Variants in TIAM1 observed in about 807,000 individuals in gnomAD.
TIAM1 encodes the protein TIAM Rac1 associated GEF 1.
A neutral mutation model predicts 163.5 loss-of-function variants in TIAM1; 65 were observed. That is an observed-to-expected ratio of 0.40 (90% CI 0.33 to 0.49). TIAM1 has a LOEUF of 0.49. Among genes scored for constraint, TIAM1 ranks in the 20% least tolerant of loss-of-function variants. TIAM1 has a pLI of 0.77. For synonymous variants in TIAM1, 833 were observed against 810.1 expected (o/e 1.03, Z -0.48); for missense variants, 1,789 against 2,044.7 (o/e 0.87, Z 2.41).
intron 1 of TIAM1, among the ~76,000 whole-genome samples, chr21:31,498,538 G>C (rs2046741467): frequency 6.6e-6 from 1 of 152,244 alleles, no homozygotes; most frequent in Admixed American, 6.5e-5. Flanking sequence ...GGAAGGATTT[G>C]ATTGGGCACA....
intron 26 of TIAM1, among the ~76,000 whole-genome samples, 155 bp from the exon 27 acceptor site, chr21:31,124,849 G>A (rs951702373): frequency 2.6e-5 from 4 of 152,140 alleles, no homozygotes; most frequent in Admixed American, 6.5e-5. Context: ...GTGATTTCAC[G>A]CCAGTGATAA....
chr21:31,212,757 T>C (rs2086950651), intron 10 of TIAM1: 1 of 150,576 alleles, frequency 6.6e-6, no homozygotes, highest in African/African-American at 2.5e-5. Flanking sequence ...GGACTACAGG[T>C]GTCCAGCTAA....
At chr21:31,372,108 C>T (rs1350043065) in intron 2 of TIAM1, among the ~76,000 whole-genome samples, 1 of 152,212 alleles carries the variant, frequency 6.6e-6, no homozygotes, top group African/African-American at 2.4e-5. Flanking sequence ...GCGGAAGGCT[C>T]ATTTTCCTCT....
intron 16 of TIAM1, among the ~76,000 whole-genome samples, chr21:31,159,053 G>C (rs1470130868): frequency 6.6e-6 from 1 of 152,122 alleles, no homozygotes; most frequent in African/African-American, 2.4e-5. Flanking sequence ...CTCCAGCAAG[G>C]GGAAGGCAGA....
Position 31,230,783 on chromosome 21 carries a change from C to G in TIAM1, c.1585-4833G>C, listed in dbSNP as rs554785093. On this transcript the variant is annotated intron_variant, in intron 6 of 27. Coordinates refer to ENST00000541036, the MANE Select transcript of TIAM1 (RefSeq NM_001353694.2). ...TCCTGACCTCAAGTGATCCGCCAGCCTCAGCCTCCCAAAGTGCTGGGATTA... is the reference window on the plus strand; with the variant it reads ...TCCTGACCTCAAGTGATCCGCCAGCGTCAGCCTCCCAAAGTGCTGGGATTA... Among the ~76,000 whole-genome samples the G allele has an allele frequency of 7.2e-5, 11 of 152,336 alleles. No individual in the cohort carries two copies. In the East Asian group the frequency reaches 1.9e-3, roughly 27 times the overall value.
chr21:31,397,399 C>T lies in TIAM1; in HGVS notation c.-368-57977G>A, dbSNP rs530347860. On this transcript the variant is annotated intron_variant, in intron 2 of 28. Transcript: ENST00000286827. ...GGTCCATGTTTCAAACCGCTTCCTT[C>T]CTCTTTTCCTTTCTCTCCTCTTTTC... Among the ~76,000 whole-genome samples, 13 of 152,286 alleles carry T rather than the reference C, an allele frequency of 8.5e-5. No homozygotes were observed. In the South Asian group the frequency reaches 1.9e-3, roughly 22 times the overall value.
intron 2 of TIAM1, among the ~76,000 whole-genome samples, chr21:31,302,869 A>G (rs1375366316): frequency 6.6e-6 from 1 of 152,228 alleles, no homozygotes; most frequent in Non-Finnish European, 1.5e-5. Flanking sequence ...AAGATTTTAA[A>G]ATCTCCTGAA....
chr21:31,355,623 C>G (rs2076304824), intron 2 of TIAM1, among the ~76,000 whole-genome samples: 1 of 151,866 alleles, frequency 6.6e-6, no homozygotes, highest in African/African-American at 2.4e-5. Flanking sequence ...GTGATCTCGG[C>G]TCACTGCAAC....
intron 4 of TIAM1, among the ~76,000 whole-genome samples, chr21:31,262,001 CCACAGAA>C (rs933918154): frequency 2.0e-5 from 3 of 152,168 alleles, no homozygotes; most frequent in African/African-American, 7.2e-5. Context: ...CCAAAGCTTC[CCACAGAA>C]CACAGAACCT....
chr21:31,180,040 G>C (rs2084941959), intron 15 of TIAM1, among the ~76,000 whole-genome samples: 1 of 151,488 alleles, frequency 6.6e-6, no homozygotes, highest in African/African-American at 2.4e-5. Context: ...CGAGTAGCTG[G>C]GATTACAGGC....
At chr21:31,421,305 G>C (rs2043562095) in intron 2 of TIAM1, among the ~76,000 whole-genome samples, 1 of 152,160 alleles carries the variant, frequency 6.6e-6, no homozygotes, top group African/African-American at 2.4e-5. Flanking sequence ...GCTAAAGATT[G>C]CTAGGAGCCA....
rs548783540 is a variant in TIAM1, at chr21:31,120,390, C to G, written c.4754G>C (p.Arg1585Thr). The change falls in exon 28 of 28, where the codon AGG becomes ACG. Residue 1585 changes from arginine (R) to threonine (T), a missense_variant. Physicochemically the swap from Arg to Thr is moderately conservative, Grantham distance 71. Coordinates refer to ENST00000541036, the MANE Select transcript of TIAM1 (RefSeq NM_001353694.2). This position sits in a 1 kb window ranked among gnomAD's most constrained non-coding sequence, Gnocchi z 4.2. ...CAGTCAGATCTCAGTGTTCAGTTTC[C>G]TGGAGGGGGCAAAGTCTTCACGCCT... ...WVRREDFAPS[R>T]KLNTEI 1.1e-5 allele frequency: 18 copies of G among 1,610,874 alleles called. No homozygotes were observed. The highest frequency in any genetic ancestry group is 1.5e-5 in the Non-Finnish European group (18 of 1,178,176).
chr21:31,251,826 T>C lies in TIAM1; in HGVS notation c.1327A>G (p.Lys443Glu). Residue 443 changes from lysine (K) to glutamate (E), a missense_variant, in exon 5 of 28, where the codon AAG (lysine) becomes GAG (glutamate). Around this residue, in one of 5 missense-constraint regions of TIAM1, gnomAD observed 456 missense variants for 586.6 expected, o/e 0.78. Coordinates refer to ENST00000541036, the MANE Select transcript of TIAM1 (RefSeq NM_001353694.2). ...TVRKAGALAV[K>E]NFLVHKKNKK... ...TTCTTCTTGTGCACCAGGAAGTTCTTGACGGCCAGGGCGCCGGCCTTGCGC... is the reference window on the plus strand; with the variant it reads ...TTCTTCTTGTGCACCAGGAAGTTCTCGACGGCCAGGGCGCCGGCCTTGCGC... 1 of 1,613,530 alleles carries C rather than the reference T, an allele frequency of 6.2e-7. No individual in the cohort carries two copies. Among genetic ancestry groups the C allele is most frequent in the Non-Finnish European group, 8.5e-7 (1 of 1,179,634 alleles).
intron 1 of TIAM1, among the ~76,000 whole-genome samples, chr21:31,480,899 A>G (rs2046089253): frequency 6.6e-6 from 1 of 152,152 alleles, no homozygotes; most frequent in Non-Finnish European, 1.5e-5. Flanking sequence ...GATTACAGAC[A>G]TGAGCCCCCA....
intron 1 of TIAM1, among the ~76,000 whole-genome samples, chr21:31,465,671 C>T (rs1233767664): frequency 6.6e-6 from 1 of 151,874 alleles, no homozygotes; most frequent in Non-Finnish European, 1.5e-5. Flanking sequence ...CCCGGGTTCA[C>T]GCCATTCTCC....
At chr21:31,228,145 T>A (rs192010884) in intron 6 of TIAM1, among the ~76,000 whole-genome samples, 1,523 of 124,912 alleles carry the variant, frequency 0.012, 36 homozygotes, top group African/African-American at 0.044. Flanking sequence ...TCTCTTGACC[T>A]CATGATCCGC....
At chr21:31,538,825 GA>G (rs2048224045) in intron 1 of TIAM1, among the ~76,000 whole-genome samples, 1 of 152,184 alleles carries the variant, frequency 6.6e-6, no homozygotes, top group Non-Finnish European at 1.5e-5. Context: ...ATTTCTCGCT[GA>G]AACAAAAGAC....
At chr21:31,217,298 G>A (rs116365985) in intron 9 of TIAM1, among the ~76,000 whole-genome samples, 2,046 of 152,228 alleles carry the variant, frequency 0.013, 53 homozygotes, top group African/African-American at 0.046. Flanking sequence ...TGTGCGCTTT[G>A]AGTAGGTCTG....
Position 31,136,022 on chromosome 21 carries a change from C to G in TIAM1, c.3794G>C (p.Gly1265Ala). 1 of 1,614,052 alleles carries G rather than the reference C, an allele frequency of 6.2e-7. No homozygotes were observed. The change falls in exon 23 of 28, where the codon GGA becomes GCA. Residue 1265 changes from glycine (G) to alanine (A), a missense_variant. By Grantham distance (60) the Gly-to-Ala change is moderately conservative (BLOSUM62 0). Transcript: ENST00000541036. ...EKKEVADLSM[G>A]DLLLHTTVIW... is the part of the protein sequence containing the mutation. ...CACGGTAGTGTGCAAAAGCAGGTCT[C>G]CCATGCTCAGATCTGCAACCTGAAA...
Sources: allele counts gnomAD v4.1 joint callset (sites outside exome capture counted in the v4.1 genomes callset), GRCh38; gene constraint gnomAD v4.1.1; regional missense constraint gnomAD v4.1.1; non-coding constraint Gnocchi (gnomAD v3.1); transcripts MANE v1.5; gene names NCBI Gene and HGNC (gene_info 2026-07-23, HGNC 2026-07-21).